The following ANTXR1 variants were observed in gnomAD, a reference collection of about 807,000 sequenced individuals.
ANTXR1 encodes the protein anthrax toxin receptor 1.
In ANTXR1, 19 loss-of-function variants were observed where a neutral mutation model predicts 78.1. The ratio of observed to expected loss-of-function variants is 0.24; its 90% CI spans 0.17 to 0.36. ANTXR1 has a LOEUF of 0.36. Ranked by LOEUF, ANTXR1 falls within the 10% of genes least tolerant of loss-of-function variation. The probability of loss-of-function intolerance (pLI) is 1.00; values close to 1 mark genes in which losing one functional copy is unlikely to be tolerated. For synonymous variants in ANTXR1, 273 were observed against 260.5 expected (o/e 1.05, Z -0.46); for missense variants, 518 against 718.6 (o/e 0.72, Z 3.19).
intron 14 of ANTXR1, among the ~76,000 whole-genome samples, chr2:69,176,658 G>A (rs572774071): frequency 6.6e-6 from 1 of 152,060 alleles, no homozygotes; most frequent in East Asian, 1.9e-4. Context: ...CAGGTGATGG[G>A]GACTCAATGA....
intron 17 of ANTXR1, among the ~76,000 whole-genome samples, chr2:69,197,745 G>C (rs970304536): frequency 2.0e-5 from 3 of 152,152 alleles, no homozygotes; most frequent in African/African-American, 4.8e-5. Context: ...GGTCCCCAAG[G>C]CTTCCTGCAC....
chr2:69,147,932 G>C (rs1673272715), intron 12 of ANTXR1, among the ~76,000 whole-genome samples: 2 of 152,106 alleles, frequency 1.3e-5, no homozygotes, highest in Non-Finnish European at 2.9e-5. Context: ...CTGTTGTTAA[G>C]TAAGTTAGCA....
intron 10 of ANTXR1, among the ~76,000 whole-genome samples, chr2:69,119,801 G>A (rs1672284623): frequency 1.3e-5 from 2 of 152,210 alleles, no homozygotes; most frequent in Admixed American, 6.5e-5. Flanking sequence ...CCAAGCTCCC[G>A]TGTGTAACCT....
chr2:69,127,527 GC>G (rs1220741916), intron 12 of ANTXR1, among the ~76,000 whole-genome samples: 2 of 152,106 alleles, frequency 1.3e-5, no homozygotes, highest in African/African-American at 4.8e-5. Context: ...TGGCTTTTGA[GC>G]AGAGGAAAAC....
At chr2:69,021,641 G>A (rs1370401150) in intron 1 of ANTXR1, among the ~76,000 whole-genome samples, 1 of 152,188 alleles carries the variant, frequency 6.6e-6, no homozygotes, top group East Asian at 1.9e-4. Context: ...GTCAGAACTG[G>A]TCAGATAGCC....
intron 1 of ANTXR1, among the ~76,000 whole-genome samples, chr2:69,039,729 G>A (rs952214929): frequency 6.6e-6 from 1 of 151,998 alleles, no homozygotes. Flanking sequence ...GCTGTTTCTC[G>A]AAGACGCAAA....
chr2:69,081,332 A>G (rs1670896404), intron 8 of ANTXR1, among the ~76,000 whole-genome samples: 1 of 152,234 alleles, frequency 6.6e-6, no homozygotes, highest in Non-Finnish European at 1.5e-5. Flanking sequence ...ACCAGAAGCC[A>G]GTTGCCCAGG....
At chr2:69,091,864 G>A (rs1032927007) in intron 9 of ANTXR1, among the ~76,000 whole-genome samples, 2 of 152,138 alleles carry the variant, frequency 1.3e-5, no homozygotes, top group African/African-American at 2.4e-5. Flanking sequence ...CAAAATCAGG[G>A]TCATGCTCGT....
chr2:69,126,758 G>A (rs954559197), intron 12 of ANTXR1, among the ~76,000 whole-genome samples: 1 of 152,146 alleles, frequency 6.6e-6, no homozygotes, highest in Admixed American at 6.5e-5. Flanking sequence ...CCAATGCATT[G>A]CAAAATTAGA....
intron 2 of ANTXR1, among the ~76,000 whole-genome samples, chr2:69,042,677 C>T (rs4314026): frequency 0.25 from 37,523 of 152,094 alleles, 10,416 homozygotes; most frequent in African/African-American, 0.68. Context: ...TCTTTAAAGA[C>T]TGGCCATCTC....
intron 17 of ANTXR1, among the ~76,000 whole-genome samples, chr2:69,229,016 A>G (rs1370547917): frequency 6.6e-6 from 1 of 152,124 alleles, no homozygotes; most frequent in Non-Finnish European, 1.5e-5. Flanking sequence ...TTCTTGGTGC[A>G]TGTGTGAGTA....
chr2:69,048,496 T>C (rs1553433369), intron 3 of ANTXR1, among the ~76,000 whole-genome samples: 1 of 152,190 alleles, frequency 6.6e-6, no homozygotes, highest in African/African-American at 2.4e-5. Context: ...CTTTTGATTC[T>C]TTTTTATTTA....
intron 13 of ANTXR1, among the ~76,000 whole-genome samples, chr2:69,164,867 T>G (rs919815892): frequency 3.9e-5 from 6 of 152,230 alleles, no homozygotes; most frequent in Non-Finnish European, 7.3e-5. Context: ...CCAAAATTTT[T>G]AGAATGAAAC....
chr2:69,220,180 A>T (rs1336928079), intron 17 of ANTXR1, among the ~76,000 whole-genome samples: 2 of 152,188 alleles, frequency 1.3e-5, no homozygotes, highest in African/African-American at 2.4e-5. Flanking sequence ...AGGCAGTCTC[A>T]TGGCTGCAAA....
intron 17 of ANTXR1, among the ~76,000 whole-genome samples, chr2:69,198,101 C>A (rs1573970940): frequency 1.3e-5 from 2 of 152,266 alleles, no homozygotes; most frequent in East Asian, 3.9e-4. Flanking sequence ...AATCATTGTG[C>A]ACATTCACAA....
At chr2:69,019,422 A>T (rs1671116503) in intron 1 of ANTXR1, among the ~76,000 whole-genome samples, 1 of 152,112 alleles carries the variant, frequency 6.6e-6, no homozygotes, top group Admixed American at 6.5e-5. Flanking sequence ...GAATTATTTT[A>T]CTGTTTCAAA....
In ANTXR1 at chr2:69,075,778, C is replaced by T. The variant is rs1670712939; in HGVS notation, c.561+120C>T. On this transcript the variant is annotated intron_variant, in intron 7 of 17. Coordinates refer to ENST00000303714, the MANE Select transcript of ANTXR1 (RefSeq NM_032208.3). ...AATGCCCCTGAAATAGGTTATTTTT[C>T]TAGAAATGCTAAACAGGAAGGAATT... is the stretch of plus-strand genomic sequence containing the variant. 3.2e-6 allele frequency: 3 copies of T among 938,676 alleles called. No homozygotes were observed. The Admixed American group carries it at 5.2e-5, about 16-fold the overall frequency. 58.1% of individuals were successfully genotyped at this position (938,676 alleles called of 1,614,324 possible). A position where few individuals can be genotyped will look rare whatever the true frequency, so the allele number is the denominator to read the frequency against.
intron 12 of ANTXR1, among the ~76,000 whole-genome samples, chr2:69,144,549 C>T (rs1003080628): frequency 1.3e-5 from 2 of 152,138 alleles, no homozygotes; most frequent in East Asian, 3.9e-4. Flanking sequence ...CAGCTGCATC[C>T]CCAGGTGCCC....
intron 16 of ANTXR1, 94 bp from the exon 17 acceptor site, chr2:69,193,241 A>G (rs959737395): frequency 4.0e-6 from 4 of 992,704 alleles, no homozygotes; most frequent in Non-Finnish European, 6.5e-6. Flanking sequence ...TGTTGTTCAC[A>G]TGACTGAAGA....
Sources: allele counts gnomAD v4.1 joint callset (sites outside exome capture counted in the v4.1 genomes callset), GRCh38; gene constraint gnomAD v4.1.1; transcripts MANE v1.5; gene names NCBI Gene and HGNC (gene_info 2026-07-23, HGNC 2026-07-21).